TTC6: variants seen among roughly 807,000 people sequenced by gnomAD.
TTC6 encodes the protein tetratricopeptide repeat domain 6.
In TTC6, 172 loss-of-function variants were observed where a neutral mutation model predicts 210.4. The observed-to-expected ratio is 0.82, with a 90% CI of 0.72 to 0.93. The LOEUF (loss-of-function observed/expected upper bound fraction) is 0.93. Ranked by LOEUF, TTC6 falls within the 40% of genes least tolerant of loss-of-function variation. The pLI is 0.00. For missense variants in TTC6, 2,414 were observed against 2,318.1 expected (o/e 1.04, Z -0.85); for synonymous variants, 804 against 819.6 (o/e 0.98, Z 0.32).
chr14:37,657,350 A>T (rs1056663717), intron 1 of TTC6, among the ~76,000 whole-genome samples: 29 of 60,242 alleles, frequency 4.8e-4, no homozygotes, highest in African/African-American at 1.0e-3. Context: ...CTTTCTATTT[A>T]AAAAAAAAAA....
intron 1 of TTC6, among the ~76,000 whole-genome samples, chr14:37,646,510 T>A (rs1166957752): frequency 6.6e-6 from 1 of 152,136 alleles, no homozygotes; most frequent in Non-Finnish European, 1.5e-5. Context: ...AATAGACCTC[T>A]GTGGACAATT....
chr14:37,692,748 A>G (rs1451408426), intron 3 of TTC6, among the ~76,000 whole-genome samples: 1 of 151,894 alleles, frequency 6.6e-6, no homozygotes, highest in Non-Finnish European at 1.5e-5. Flanking sequence ...AAGCCCAGCT[A>G]CTTGGGAGGC....
chr14:37,638,114 C>T (rs1158009606), intron 1 of TTC6, among the ~76,000 whole-genome samples: 1 of 152,038 alleles, frequency 6.6e-6, no homozygotes. Context: ...GGATATATAA[C>T]TTAGGAAGAA....
intron 1 of TTC6, among the ~76,000 whole-genome samples, chr14:37,670,474 CTTTTT>C (rs66725764): frequency 7.4e-5 from 9 of 121,326 alleles, no homozygotes; most frequent in African/African-American, 9.3e-5. Flanking sequence ...AACTACCTCA[CTTTTT>C]TTTTTTTTTT....
intron 9 of TTC6, among the ~76,000 whole-genome samples, 177 bp downstream of exon 11, chr14:37,737,911 A>G (rs2095906360): frequency 1.3e-5 from 2 of 151,934 alleles, no homozygotes; most frequent in Admixed American, 1.3e-4. Context: ...GCAGATGGTC[A>G]ATATCTCTGT....
At chr14:37,736,105 GC>G (rs1300630979) in intron 8 of TTC6, 95 bp downstream of exon 10, 2 of 707,020 alleles carry the variant, frequency 2.8e-6, no homozygotes, top group Non-Finnish European at 4.6e-6. Context: ...ATTTCTTGGG[GC>G]CAGGCATGGT....
chr14:37,631,609 G>C (rs1293339071), intron 1 of TTC6, among the ~76,000 whole-genome samples: 1 of 152,150 alleles, frequency 6.6e-6, no homozygotes, highest in Non-Finnish European at 1.5e-5. Flanking sequence ...CTCTTCTCAA[G>C]GAATGTCTTT....
Position 37,732,448 on chromosome 14 carries a change from G to C in TTC6, c.1819-3473G>C, listed in dbSNP as rs182505687. Among the ~76,000 whole-genome samples the C allele has an allele frequency of 3.3e-3, 497 of 151,930 alleles. 3 individuals are homozygous for C. The highest frequency in any genetic ancestry group is 0.011 in the African/African-American group (466 of 41,442). On this transcript the variant is annotated intron_variant, in intron 7 of 30. Transcript: ENST00000553443. Reference sequence around the variant, plus strand: ...TCTGCCCGCCTTGGCCTCCCAAAGTGCTGGGATTACAGTCGTGAGCCACCA... The same window carrying C: ...TCTGCCCGCCTTGGCCTCCCAAAGTCCTGGGATTACAGTCGTGAGCCACCA...
chr14:37,799,145 G>A (rs908509774), intron 20 of TTC6, among the ~76,000 whole-genome samples: 2 of 152,058 alleles, frequency 1.3e-5, no homozygotes, highest in African/African-American at 4.8e-5. Flanking sequence ...ATTATTTAAT[G>A]CTTTAATATC....
chr14:37,796,421 T>C, intron 19 of TTC6, 51 bp downstream of exon 21: 1 of 779,618 alleles, frequency 1.3e-6, no homozygotes. Context: ...AAAATTTTTA[T>C]GCTATTTTGC....
intron 10 of TTC6, among the ~76,000 whole-genome samples, chr14:37,746,552 GC>G (rs1453628519): frequency 3.3e-5 from 5 of 152,142 alleles, no homozygotes; most frequent in African/African-American, 1.2e-4. Context: ...TCTGATGCAT[GC>G]TGAAGTTTGA....
intron 2 of TTC6, among the ~76,000 whole-genome samples, chr14:37,612,722 C>T (rs2095636644): frequency 6.6e-6 from 1 of 152,008 alleles, no homozygotes; most frequent in Non-Finnish European, 1.5e-5. Context: ...CAGATTAATT[C>T]CTAAATTTTA....
chr14:37,703,307 A>G (rs1275192049), intron 5 of TTC6, among the ~76,000 whole-genome samples: 1 of 152,124 alleles, frequency 6.6e-6, no homozygotes, highest in African/African-American at 2.4e-5. Context: ...CCAAGAGTCA[A>G]TAAATGTTCT....
At chr14:37,783,343 C>A (rs139814770) in intron 14 of TTC6, among the ~76,000 whole-genome samples, 25 of 152,186 alleles carry the variant, frequency 1.6e-4, no homozygotes, top group African/African-American at 6.0e-4. Flanking sequence ...TCAATTTCTT[C>A]CTGGTTTAGT....
chr14:37,714,716 C>T, exon 6 of TTC6: 1 of 1,535,680 alleles, frequency 6.5e-7, no homozygotes, highest in Non-Finnish European at 8.7e-7. Context: ...TCCTCCGACA[C>T]CGCAAGGGAT....
At chr14:37,823,911 A>G (rs138200291) in exon 27 of TTC6, 713 of 1,613,872 alleles carry the variant, frequency 4.4e-4, no homozygotes, top group Non-Finnish European at 5.9e-4. Context: ...CTGCATATTA[A>G]TCCAGCATAC....
chr14:37,776,365 G>A (rs1464196861), intron 14 of TTC6, among the ~76,000 whole-genome samples: 1 of 152,076 alleles, frequency 6.6e-6, no homozygotes, highest in Non-Finnish European at 1.5e-5. Context: ...AATGTTGCCA[G>A]GTGGTTATTA....
intron 26 of TTC6, among the ~76,000 whole-genome samples, chr14:37,821,244 C>T (rs910431419): frequency 2.0e-5 from 3 of 151,592 alleles, no homozygotes; most frequent in African/African-American, 7.3e-5. Context: ...GTTTTTTGTA[C>T]TTTTAGTAGA....
At chr14:37,815,753 G>C (rs939214626) in intron 25 of TTC6, among the ~76,000 whole-genome samples, 32 of 152,224 alleles carry the variant, frequency 2.1e-4, no homozygotes, top group African/African-American at 7.5e-4. Flanking sequence ...CCTTATATTA[G>C]AGAGATAATT....
Sources: allele counts gnomAD v4.1 joint callset (sites outside exome capture counted in the v4.1 genomes callset), GRCh38; gene constraint gnomAD v4.1.1; transcripts MANE v1.5; gene names NCBI Gene and HGNC (gene_info 2026-07-23, HGNC 2026-07-21).